RYR3: variants seen among roughly 807,000 people sequenced by gnomAD.
The protein encoded by RYR3 is ryanodine receptor 3.
RYR3 carries 207 observed loss-of-function variants against 584.3 expected under a neutral mutation model. The observed-to-expected ratio is 0.35, with a 90% CI of 0.32 to 0.40. The LOEUF (loss-of-function observed/expected upper bound fraction) is 0.40, where lower values mean the gene tolerates loss of function less well. Ranked by LOEUF, RYR3 falls within the 10% of genes least tolerant of loss-of-function variation. RYR3 has a pLI of 1.00. For missense variants in RYR3, 5,616 were observed against 6,089.2 expected (o/e 0.92, Z 2.59); for synonymous variants, 2,416 against 2,248.5 (o/e 1.07, Z -2.11).
chr15:33,410,638 T>C, intron 1 of RYR3, among the ~76,000 whole-genome samples: 1 of 152,324 alleles, frequency 6.6e-6, no homozygotes, highest in Non-Finnish European at 1.5e-5. Context: ...CATAAATGTC[T>C]TTCAGAGGAT....
intron 103 of RYR3, 110 bp downstream of exon 103, chr15:33,864,299 A>T: frequency 1.2e-6 from 1 of 823,242 alleles, no homozygotes; most frequent in Non-Finnish European, 1.9e-6. Context: ...TAATCCCGTG[A>T]ATGCATTTTC....
chr15:33,457,942 T>C (rs1018726458), intron 1 of RYR3, among the ~76,000 whole-genome samples: 3 of 152,076 alleles, frequency 2.0e-5, no homozygotes, highest in South Asian at 2.1e-4. Context: ...TGGGAGTGGA[T>C]TGGGGAAAGG....
chr15:33,857,684 C>T, intron 98 of RYR3, 96 bp from the exon 99 acceptor site: 1 of 1,500,224 alleles, frequency 6.7e-7, no homozygotes. Context: ...CTTGCCCGTC[C>T]TCACTCTTCC....
At chr15:33,514,764 G>A (rs1329872756) in intron 3 of RYR3, among the ~76,000 whole-genome samples, 1 of 152,068 alleles carries the variant, frequency 6.6e-6, no homozygotes, top group Non-Finnish European at 1.5e-5. Flanking sequence ...CACTTTGGGA[G>A]GCTGAGATAG....
At chr15:33,520,521 G>C (rs957619172) in intron 3 of RYR3, among the ~76,000 whole-genome samples, 1 of 152,044 alleles carries the variant, frequency 6.6e-6, no homozygotes, top group Non-Finnish European at 1.5e-5. Context: ...TGGCTGACAG[G>C]CTCCTTTTAT....
Position 33,634,572 on chromosome 15 carries a change from C to T in RYR3, c.3028-14C>T, listed in dbSNP as rs2152642380. The T allele has an allele frequency of 6.2e-7, 1 of 1,613,156 alleles. No individual in the cohort carries two copies. Among genetic ancestry groups the T allele is most frequent in the Non-Finnish European group, 8.5e-7 (1 of 1,179,460 alleles). On this transcript the variant is annotated splice_polypyrimidine_tract_variant and intron_variant, in intron 24 of 103. Transcript: ENST00000634891. ...AATGTTTTCTTGGCACCTTTTTTCT[C>T]TGGCGTCACATAGGATTTGAAGAAC... is the stretch of plus-strand genomic sequence containing the variant.
At chr15:33,820,496 A>T (rs1260948769) in intron 77 of RYR3, among the ~76,000 whole-genome samples, 29 of 152,202 alleles carry the variant, frequency 1.9e-4, no homozygotes, top group Admixed American at 1.9e-3. Context: ...GTCTGTGGTT[A>T]AACCAGCTAG....
chr15:33,383,517 A>C (rs991219125), intron 1 of RYR3, among the ~76,000 whole-genome samples: 1 of 151,944 alleles, frequency 6.6e-6, no homozygotes, highest in African/African-American at 2.4e-5. Flanking sequence ...TTACCTTTCA[A>C]ACTACGAGAG....
At chr15:33,549,772 C>T (rs541143256) in intron 9 of RYR3, among the ~76,000 whole-genome samples, 2 of 152,234 alleles carry the variant, frequency 1.3e-5, no homozygotes, top group East Asian at 1.9e-4. Flanking sequence ...GGTAGTAATA[C>T]GTTTTAGTTC....
chr15:33,778,153 G>C (rs1381334716), intron 64 of RYR3, among the ~76,000 whole-genome samples: 1 of 130,960 alleles, frequency 7.6e-6, no homozygotes, highest in African/African-American at 2.5e-5. Context: ...CTGGGCGACA[G>C]AGCAAGACTC....
At chr15:33,516,737 A>C (rs1302432542) in intron 3 of RYR3, among the ~76,000 whole-genome samples, 1 of 152,194 alleles carries the variant, frequency 6.6e-6, no homozygotes, top group Non-Finnish European at 1.5e-5. Flanking sequence ...AGAAAGGGGA[A>C]TGCTGAGTCA....
intron 3 of RYR3, among the ~76,000 whole-genome samples, chr15:33,510,879 A>G (rs1048261128): frequency 1.1e-4 from 16 of 152,004 alleles, no homozygotes; most frequent in African/African-American, 3.9e-4. Context: ...TGCTGATATA[A>G]TGGATTTTAA....
At chr15:33,736,777 C>T (rs1387188793) in intron 49 of RYR3, among the ~76,000 whole-genome samples, 1 of 124,252 alleles carries the variant, frequency 8.0e-6, no homozygotes, top group Admixed American at 8.9e-5. Context: ...GAGATGGAGT[C>T]TTGCTCTGTC....
chr15:33,487,036 A>G (rs151296294), intron 2 of RYR3, among the ~76,000 whole-genome samples: 3,211 of 152,166 alleles, frequency 0.021, 52 homozygotes, highest in Non-Finnish European at 0.027. Flanking sequence ...CATACCTACT[A>G]AAAATACAAA....
At chr15:33,813,787 C>G (rs955622801) in intron 74 of RYR3, 9 of 473,416 alleles carry the variant, frequency 1.9e-5, no homozygotes, top group Admixed American at 3.7e-5. Flanking sequence ...TCTCTAGAGC[C>G]CATTCCTGTC....
chr15:33,492,417 T>A (rs2051039815), intron 2 of RYR3, among the ~76,000 whole-genome samples: 1 of 152,174 alleles, frequency 6.6e-6, no homozygotes, highest in Admixed American at 6.5e-5. Flanking sequence ...TGCTAATTAT[T>A]TTTTAAATCT....
chr15:33,420,769 A>G (rs560320869), intron 1 of RYR3, among the ~76,000 whole-genome samples: 36 of 152,278 alleles, frequency 2.4e-4, no homozygotes, highest in Non-Finnish European at 1.8e-4. Flanking sequence ...GTTGCTTCTG[A>G]TAAGGCCCCT....
At chr15:33,704,233 C>A (rs1177646546) in intron 42 of RYR3, among the ~76,000 whole-genome samples, 2 of 150,584 alleles carry the variant, frequency 1.3e-5, no homozygotes, top group Non-Finnish European at 2.9e-5. Flanking sequence ...GAGATCATGC[C>A]ACTGCACTCC....
At chr15:33,719,337 C>T (rs769747899) in intron 43 of RYR3, among the ~76,000 whole-genome samples, 7 of 152,170 alleles carry the variant, frequency 4.6e-5, no homozygotes, top group Non-Finnish European at 7.3e-5. Flanking sequence ...ACGTAGAACT[C>T]ACAGTCTGAT....
Sources: allele counts gnomAD v4.1 joint callset (sites outside exome capture counted in the v4.1 genomes callset), GRCh38; gene constraint gnomAD v4.1.1; transcripts MANE v1.5; gene names NCBI Gene and HGNC (gene_info 2026-07-23, HGNC 2026-07-21).